RNF169: variants seen among roughly 807,000 people sequenced by gnomAD.
The protein encoded by RNF169 is ring finger protein 169.
A neutral mutation model predicts 53.9 loss-of-function variants in RNF169; 24 were observed. The observed-to-expected ratio is 0.45, with a 90% CI of 0.32 to 0.63. The LOEUF (loss-of-function observed/expected upper bound fraction) is 0.63, where lower values mean the gene tolerates loss of function less well. Among genes scored for constraint, RNF169 ranks in the 20% least tolerant of loss-of-function variants. RNF169 has a pLI of 0.04. For synonymous variants in RNF169, 396 were observed against 363.5 expected, an observed-to-expected ratio of 1.09 and a Z score of -1.02; for missense variants, 883 against 906.2, an observed-to-expected ratio of 0.97 and a Z score of 0.33.
chr11:74,784,397 A>T (rs2035458658), intron 1 of RNF169, among the ~76,000 whole-genome samples: 1 of 146,330 alleles, frequency 6.8e-6, no homozygotes, highest in Non-Finnish European at 1.5e-5. Flanking sequence ...AAAGGACTCA[A>T]TACGTAGTTG....
chr11:74,831,616 C>CT (rs946308971), intron 4 of RNF169: 1 of 150,502 alleles, frequency 6.6e-6, no homozygotes, highest in Admixed American at 6.6e-5. Flanking sequence ...TTCCAATGAT[C>CT]TTTTTTGCAG....
At chr11:74,777,037 G>GAT (rs2035346397) in intron 1 of RNF169, among the ~76,000 whole-genome samples, 1 of 152,194 alleles carries the variant, frequency 6.6e-6, no homozygotes, top group Non-Finnish European at 1.5e-5. Context: ...CAATGTTAAA[G>GAT]ATAGATGGAA....
Position 74,820,389 on chromosome 11 carries a change from G to T in RNF169, c.842+2675G>T, listed in dbSNP as rs537671340. Among the ~76,000 whole-genome samples the T allele has an allele frequency of 2.0e-5, 3 of 152,126 alleles. No individual in the cohort carries two copies. In the South Asian group the frequency reaches 6.2e-4, roughly 32 times the overall value. ...TTCTTAAGATTCTTCCTCTAAAATG[G>T]AAATATCTAGAGGTGGCTTAAACCA... On this transcript the variant is annotated intron_variant, in intron 4 of 5. Coordinates refer to ENST00000299563, the MANE Select transcript of RNF169 (RefSeq NM_001098638.2).
At chr11:74,770,353 G>T (rs2035242136) in intron 1 of RNF169, among the ~76,000 whole-genome samples, 1 of 152,140 alleles carries the variant, frequency 6.6e-6, no homozygotes, top group South Asian at 2.1e-4. Context: ...TCAAGGGGCT[G>T]GAAATATTTA....
chr11:74,762,868 C>T (rs2035110536), intron 1 of RNF169, among the ~76,000 whole-genome samples: 2 of 152,270 alleles, frequency 1.3e-5, no homozygotes, highest in Middle Eastern at 3.4e-3. Context: ...CTGTATTGCC[C>T]TGGAGCAGAG....
chr11:74,788,597 G>A (rs891542051), intron 1 of RNF169, among the ~76,000 whole-genome samples: 4 of 152,056 alleles, frequency 2.6e-5, no homozygotes, highest in South Asian at 2.1e-4. Context: ...GTTTCACCAC[G>A]TTGACCAGGC....
In RNF169 at chr11:74,770,459, T is replaced by G. The variant is rs151073561; in HGVS notation, c.503-19167T>G. ...TAGTATTACTGAGGCCATTTGTTCA[T>G]TTTAGCTGTAGATATGAAAGATATC... On this transcript the variant is annotated intron_variant, in intron 1 of 5. Transcript: ENST00000299563. 5.9e-5 allele frequency among the ~76,000 whole-genome samples: 9 copies of G among 152,366 alleles called. No homozygotes were observed. In the East Asian group the frequency reaches 1.7e-3, roughly 29 times the overall value.
chr11:74,763,580 A>C lies in RNF169; in HGVS notation c.502+14198A>C, dbSNP rs556728557. ...AAAAATCTCAGTAAATAAGTTAAAC[A>C]ATAGTTTACACAGATGAAGAGAGAT... On this transcript the variant is annotated intron_variant, in intron 1 of 5. Transcript: ENST00000299563. Among the ~76,000 whole-genome samples, 5 of 152,378 alleles carry C rather than the reference A, an allele frequency of 3.3e-5. No individual in the cohort carries two copies. In the East Asian group the frequency reaches 9.6e-4, roughly 29 times the overall value.
chr11:74,764,856 C>T lies in RNF169; in HGVS notation c.502+15474C>T, dbSNP rs144477254. ...TTTCTAAAGTTCTGTCTATACGTAA[C>T]GTAGTTCAATAGGAAGACAGAGATA... is the stretch of plus-strand genomic sequence containing the variant. On this transcript the variant is annotated intron_variant, in intron 1 of 5. Coordinates refer to ENST00000299563, the MANE Select transcript of RNF169 (RefSeq NM_001098638.2). Among the ~76,000 whole-genome samples, 14 of 152,274 alleles carry T rather than the reference C, an allele frequency of 9.2e-5. No homozygotes were observed. In the East Asian group the frequency reaches 2.3e-3, roughly 25 times the overall value.
At chr11:74,769,693 ATATG>A (rs2035231854) in intron 1 of RNF169, among the ~76,000 whole-genome samples, 1 of 152,220 alleles carries the variant, frequency 6.6e-6, no homozygotes, top group Non-Finnish European at 1.5e-5. Context: ...TTGCAAAAGA[ATATG>A]TATCCTTTGA....
rs1270964796 is a variant in RNF169 at position 74,836,259 on chromosome 11, G to A, written c.1656G>A (p.Gly552=). ...AGAGGGAGCAGTTTGAGGGGTTAGG[G>A]TCAACTCCAGATGCCAAGTTAGACA... The part of the protein sequence containing the change: ...SLEREQFEGL[G]STPDAKLDKT... Residue 552 remains glycine, a synonymous_variant, in exon 6 of 6, where the codon GGG becomes GGA. Coordinates refer to ENST00000299563, the MANE Select transcript of RNF169 (RefSeq NM_001098638.2). 5 of 1,614,154 alleles carry A rather than the reference G, an allele frequency of 3.1e-6. No homozygotes were observed. Among genetic ancestry groups the A allele is most frequent in the Non-Finnish European group, 4.2e-6 (5 of 1,180,030 alleles).
rs115398747 is a variant in RNF169, at chr11:74,766,248, A to T, written c.502+16866A>T. Among the ~76,000 whole-genome samples, 39 of 152,300 alleles carry T rather than the reference A, an allele frequency of 2.6e-4. 1 individual carries two copies. Among genetic ancestry groups the T allele is most frequent in the African/African-American group, 9.1e-4 (38 of 41,552 alleles). ...AATTAGCAAAGAGTAAAATCTCCCC[A>T]CAAAGCAATACCACCGCGTGGACAC... On this transcript the variant is annotated intron_variant, in intron 1 of 5. Transcript: ENST00000299563.
At chr11:74,761,861 AT>A (rs1260679591) in intron 1 of RNF169, among the ~76,000 whole-genome samples, 1 of 146,394 alleles carries the variant, frequency 6.8e-6, no homozygotes, top group Non-Finnish European at 1.5e-5. Flanking sequence ...GCCTTGCTAG[AT>A]TGGGGAAGTT....
Position 74,840,283 on chromosome 11 carries a change from CTGGAGAGTTCATTTA to C in RNF169, c.*3557_*3571del, listed in dbSNP as rs1278085843. ...GGAATGCATTTGAATGTATGTGTGG[CTGGAGAGTTCATTTA>C]TGGTCTTAGGAAAGCCATTTCTGGT... On this transcript the variant is annotated 3_prime_UTR_variant, in exon 6 of 6. Coordinates refer to ENST00000299563, the MANE Select transcript of RNF169 (RefSeq NM_001098638.2). The C allele has an allele frequency of 2.0e-5, 3 of 152,186 alleles. No homozygotes were observed. The highest frequency in any genetic ancestry group is 7.2e-5 in the African/African-American group (3 of 41,442). 9.4% of individuals were successfully genotyped at this position (152,186 alleles called of 1,614,324 possible).
chr11:74,785,291 T>C (rs1023391452), intron 1 of RNF169, among the ~76,000 whole-genome samples: 3 of 145,090 alleles, frequency 2.1e-5, no homozygotes, highest in African/African-American at 7.6e-5. Flanking sequence ...ATATATGTTA[T>C]ATATATTAGA....
At chr11:74,824,320 T>G (rs1328691299) in intron 4 of RNF169, among the ~76,000 whole-genome samples, 1 of 152,054 alleles carries the variant, frequency 6.6e-6, no homozygotes, top group Non-Finnish European at 1.5e-5. Flanking sequence ...GATTATCCAA[T>G]CTGAGAAACA....
At chr11:74,798,888 A>G (rs933691890) in intron 2 of RNF169, among the ~76,000 whole-genome samples, 1 of 152,052 alleles carries the variant, frequency 6.6e-6, no homozygotes, top group Non-Finnish European at 1.5e-5. Context: ...CGTCACTACA[A>G]AAAATTTTTT....
Position 74,754,076 on chromosome 11 carries a change from C to G in RNF169, c.502+4694C>G, listed in dbSNP as rs1482959191. ...ATATTGACATATTAAATATTTGGAC[C>G]ATTTTGAGCAATATTCAGGAATTAT... On this transcript the variant is annotated intron_variant, in intron 1 of 5. Transcript: ENST00000299563. Among the ~76,000 whole-genome samples, 3 of 152,140 alleles carry G rather than the reference C, an allele frequency of 2.0e-5. No homozygotes were observed. In the South Asian group the frequency reaches 6.2e-4, roughly 32 times the overall value.
At chr11:74,806,914 G>C (rs1052657365) in intron 2 of RNF169, among the ~76,000 whole-genome samples, 1 of 151,942 alleles carries the variant, frequency 6.6e-6, no homozygotes, top group Non-Finnish European at 1.5e-5. Flanking sequence ...TTTTCTGTGT[G>C]TATATTATGC....
Sources: gnomAD v4.1 joint callset for allele counts (sites outside exome capture counted in the v4.1 genomes callset) on GRCh38, gnomAD v4.1.1 for gene constraint, MANE v1.5 for transcripts, NCBI Gene and HGNC (gene_info 2026-07-23, HGNC 2026-07-21) for gene names.